PAM: variants seen among roughly 807,000 people sequenced by gnomAD.
PAM encodes peptidylglycine alpha-amidating monooxygenase.
A neutral mutation model predicts 122.1 loss-of-function variants in PAM; 72 were observed. The observed-to-expected ratio is 0.59, with a 90% CI of 0.49 to 0.72. PAM has a LOEUF of 0.72. PAM is among the 30% of genes least tolerant of loss of function. The probability of loss-of-function intolerance (pLI) is 0.00; values close to 1 mark genes in which losing one functional copy is unlikely to be tolerated. For synonymous variants in PAM, 389 were observed against 404.4 expected (o/e 0.96, Z 0.46); for missense variants, 1,106 against 1,183.7 (o/e 0.93, Z 0.96).
rs146471281 is a variant in PAM, at chr5:102,830,464, C to T, written c.-373-35359C>T. On this transcript the variant is annotated intron_variant, in intron 1 of 25. Transcript: ENST00000438793. ...CTTCATCATTGTTTATTGAGCTTTT[C>T]ATAGGGTTTTTCATATAGAACTTGT... 3.9e-3 allele frequency among the ~76,000 whole-genome samples: 592 copies of T among 152,272 alleles called. 6 individuals are homozygous for T. Among genetic ancestry groups the T allele is most frequent in the African/African-American group, 0.013 (541 of 41,554 alleles).
intron 1 of PAM, among the ~76,000 whole-genome samples, chr5:102,817,207 T>A (rs2150271125): frequency 6.6e-6 from 1 of 152,290 alleles, no homozygotes; most frequent in East Asian, 1.9e-4. Flanking sequence ...TGTACCACAA[T>A]TTATTAACTA....
chr5:102,904,976 T>C (rs1382904560), intron 4 of PAM, among the ~76,000 whole-genome samples: 1 of 151,686 alleles, frequency 6.6e-6, no homozygotes, highest in African/African-American at 2.4e-5. Context: ...GATGTGTCTA[T>C]ATATCTGTAT....
chr5:102,859,052 T>C (rs1783377819), intron 1 of PAM, among the ~76,000 whole-genome samples: 1 of 152,242 alleles, frequency 6.6e-6, no homozygotes, highest in Non-Finnish European at 1.5e-5. Context: ...TATGATTGTG[T>C]ATAGTACGTA....
At chr5:102,897,865 G>T (rs1321874197) in intron 3 of PAM, among the ~76,000 whole-genome samples, 1 of 151,576 alleles carries the variant, frequency 6.6e-6, no homozygotes, top group African/African-American at 2.4e-5. Context: ...TATGTGAACA[G>T]TTTTCATATG....
chr5:102,858,772 A>G (rs556326588), intron 1 of PAM, among the ~76,000 whole-genome samples: 1 of 152,296 alleles, frequency 6.6e-6, no homozygotes, highest in East Asian at 1.9e-4. Context: ...CTTTTCCCCA[A>G]CCATCTCCAT....
intron 3 of PAM, among the ~76,000 whole-genome samples, chr5:102,879,993 A>G (rs967726616): frequency 1.3e-5 from 2 of 152,130 alleles, no homozygotes; most frequent in African/African-American, 2.4e-5. Flanking sequence ...TAAGTGGCCT[A>G]TGACTGGCTG....
At chr5:102,953,756 G>A (rs1271874042) in intron 12 of PAM, among the ~76,000 whole-genome samples, 1 of 152,210 alleles carries the variant, frequency 6.6e-6, no homozygotes, top group Admixed American at 6.5e-5. Flanking sequence ...GCTCATGCCT[G>A]TAATCTCAGC....
intron 3 of PAM, among the ~76,000 whole-genome samples, chr5:102,877,208 A>G (rs1250632795): frequency 6.6e-6 from 1 of 152,250 alleles, no homozygotes; most frequent in East Asian, 1.9e-4. Context: ...ATATGTGTAA[A>G]ACACAGTAAA....
chr5:102,959,843 G>A, intron 12 of PAM, 32 bp from the exon 13 acceptor site: 1 of 1,520,084 alleles, frequency 6.6e-7, no homozygotes, highest in Non-Finnish European at 9.1e-7. Context: ...TATGTGAATA[G>A]TTGATTTGTT....
At chr5:103,014,850 C>T (rs1429868129) in intron 21 of PAM, among the ~76,000 whole-genome samples, 1 of 152,106 alleles carries the variant, frequency 6.6e-6, no homozygotes, top group Admixed American at 6.5e-5. Flanking sequence ...CCAAGTCATT[C>T]CCCCTGTAAT....
chr5:102,807,945 C>G (rs1321449873), intron 1 of PAM: 1 of 152,190 alleles, frequency 6.6e-6, no homozygotes, highest in African/African-American at 2.4e-5. Context: ...TCCTCTTGCT[C>G]TGTGTCACAC....
chr5:102,805,064 CTT>C lies in PAM; in HGVS notation c.-374+49739_-374+49740del, dbSNP rs527963126. On this transcript the variant is annotated intron_variant, in intron 1 of 25. Transcript: ENST00000438793. ...CTGTTTCTTATGAAAGGGAATTTTC[CTT>C]TTTTTTTTTTTTTTTTTTTTTTGAG... Among the ~76,000 whole-genome samples, 463 of 103,674 alleles carry C rather than the reference CTT, an allele frequency of 4.5e-3. 2 individuals are homozygous for C. Among genetic ancestry groups the C allele is most frequent in the African/African-American group, 0.017 (439 of 26,040 alleles). 68.0% of individuals were successfully genotyped at this position (103,674 alleles called of 152,430 possible).
intron 15 of PAM, chr5:102,987,654 C>T (rs56653860): frequency 0.011 from 4,168 of 372,726 alleles, 158 homozygotes; most frequent in African/African-American, 0.082. Context: ...ACAATTATTT[C>T]GTACCAATAA....
chr5:102,993,668 G>A (rs1174750806), intron 16 of PAM, among the ~76,000 whole-genome samples: 1 of 152,068 alleles, frequency 6.6e-6, no homozygotes, highest in Non-Finnish European at 1.5e-5. Context: ...AAGGAATATA[G>A]TAGCCCAATT....
intron 1 of PAM, among the ~76,000 whole-genome samples, chr5:102,836,637 C>CT (rs1777117226): frequency 6.6e-6 from 1 of 151,932 alleles, no homozygotes; most frequent in Non-Finnish European, 1.5e-5. Context: ...TGTTCCTCTC[C>CT]TTTTTTTAGG....
At chr5:102,834,580 A>G (rs13171332) in intron 1 of PAM, among the ~76,000 whole-genome samples, 9,330 of 152,260 alleles carry the variant, frequency 0.061, 456 homozygotes, top group African/African-American at 0.13. Flanking sequence ...AATGAGGTCA[A>G]GGAAGATTCA....
At chr5:102,854,947 A>G (rs1038067977) in intron 1 of PAM, among the ~76,000 whole-genome samples, 1 of 152,258 alleles carries the variant, frequency 6.6e-6, no homozygotes, top group Non-Finnish European at 1.5e-5. Context: ...ATATCTGCAT[A>G]TAAGCTACTT....
chr5:102,933,501 T>C (rs951331704), intron 7 of PAM, among the ~76,000 whole-genome samples: 3 of 152,216 alleles, frequency 2.0e-5, no homozygotes, highest in Non-Finnish European at 2.9e-5. Flanking sequence ...AAAGCTTAGT[T>C]CCAGACAGGT....
In PAM at chr5:103,019,818, T is replaced by C; in HGVS notation, c.2460T>C (p.Ala820=). 2 of 1,608,756 alleles carry C rather than the reference T, an allele frequency of 1.2e-6. No homozygotes were observed. The highest frequency in any genetic ancestry group is 1.7e-6 in the Non-Finnish European group (2 of 1,175,230). The change falls in exon 23 of 26, where the codon GCT becomes GCC. Residue 820 remains alanine, a synonymous_variant. Transcript: ENST00000438793. ...TGGAACATCGATCAGTTAAAAAGGC[T>C]GGCATTGAGGTCCAGGAAATCAAAG... The part of the protein sequence containing the change: ...EKLEHRSVKK[A]GIEVQEIKEA...
Sources: allele counts gnomAD v4.1 joint callset (sites outside exome capture counted in the v4.1 genomes callset), GRCh38; gene constraint gnomAD v4.1.1; transcripts MANE v1.5; gene names NCBI Gene and HGNC (gene_info 2026-07-23, HGNC 2026-07-21).